EYA4: variants seen among roughly 807,000 people sequenced by gnomAD.
The protein encoded by EYA4 is protein phosphatase EYA4.
EYA4 carries 31 observed loss-of-function variants against 87.9 expected under a neutral mutation model. That is an observed-to-expected ratio of 0.35 (90% CI 0.27 to 0.48). The LOEUF is 0.48. Among genes scored for constraint, EYA4 ranks in the 20% least tolerant of loss-of-function variants. The pLI is 0.99. For synonymous variants in EYA4, 263 were observed against 270.6 expected, an observed-to-expected ratio of 0.97 and a Z score of 0.28; for missense variants, 678 against 761.4, an observed-to-expected ratio of 0.89 and a Z score of 1.29.
At chr6:133,412,505 T>A (rs1162589834) in intron 3 of EYA4, among the ~76,000 whole-genome samples, 1 of 152,186 alleles carries the variant, frequency 6.6e-6, no homozygotes, top group Non-Finnish European at 1.5e-5. Context: ...ATAAATGGAA[T>A]TTCGTGTAAT....
intron 11 of EYA4, among the ~76,000 whole-genome samples, chr6:133,477,837 T>C (rs1005669645): frequency 6.7e-5 from 10 of 148,654 alleles, no homozygotes; most frequent in African/African-American, 2.2e-4. Context: ...CACACACGCA[T>C]ATATATATAT....
intron 11 of EYA4, among the ~76,000 whole-genome samples, chr6:133,479,352 T>G (rs1372009702): frequency 6.6e-6 from 1 of 152,152 alleles, no homozygotes; most frequent in African/African-American, 2.4e-5. Context: ...GGTGATAACA[T>G]AGACCCATGA....
At chr6:133,430,011 G>GC (rs35364365) in intron 3 of EYA4, among the ~76,000 whole-genome samples, 61,957 of 151,850 alleles carry the variant, frequency 0.41, 14,185 homozygotes, top group African/African-American at 0.61. Context: ...TTCAACCCTT[G>GC]CCCCTCCCTC....
At chr6:133,439,782 C>T (rs1393075838) in intron 3 of EYA4, among the ~76,000 whole-genome samples, 9 of 152,174 alleles carry the variant, frequency 5.9e-5, no homozygotes, top group Admixed American at 5.9e-4. Context: ...ACTGATTCTG[C>T]GTGGCTCAAA....
intron 11 of EYA4, among the ~76,000 whole-genome samples, chr6:133,469,983 G>T (rs986218270): frequency 6.6e-6 from 1 of 151,374 alleles, no homozygotes; most frequent in Non-Finnish European, 1.5e-5. Flanking sequence ...GTAGATTCTG[G>T]ATATTAGCCC....
At chr6:133,459,987 A>G (rs936141078) in intron 6 of EYA4, among the ~76,000 whole-genome samples, 1 of 152,130 alleles carries the variant, frequency 6.6e-6, no homozygotes, top group East Asian at 1.9e-4. Context: ...ACATTAAATG[A>G]TGCATGTTTG....
At chr6:133,453,473 C>T (rs976263702) in intron 5 of EYA4, 1 of 151,948 alleles carries the variant, frequency 6.6e-6, no homozygotes, top group African/African-American at 2.4e-5. Context: ...CTTAATAAAT[C>T]AGCTAATAAT....
chr6:133,405,067 C>T (rs555910109), intron 3 of EYA4, among the ~76,000 whole-genome samples: 17 of 152,244 alleles, frequency 1.1e-4, no homozygotes, highest in Admixed American at 7.2e-4. Context: ...AGAATCATTT[C>T]CTAGTGTCAT....
intron 1 of EYA4, among the ~76,000 whole-genome samples, chr6:133,264,428 C>T (rs897383872): frequency 3.9e-5 from 6 of 152,222 alleles, no homozygotes; most frequent in Non-Finnish European, 7.3e-5. Flanking sequence ...GCACTGTGAA[C>T]GGTAACGTCC....
chr6:133,387,757 G>A (rs1786876328), intron 3 of EYA4, among the ~76,000 whole-genome samples: 1 of 152,114 alleles, frequency 6.6e-6, no homozygotes, highest in Non-Finnish European at 1.5e-5. Context: ...TATTTAACCT[G>A]AGTCATATTA....
At position 133,483,133 on chromosome 6, in the gene EYA4, G is replaced by A. The variant is rs1562473471; in HGVS notation, c.1191+18G>A. ...ATGGCAAGGTAAGAAATCAAGAAAT[G>A]TTACTCCAAGAAATCTTGTTAAATT... is the stretch of plus-strand genomic sequence containing the variant. On this transcript the variant is annotated intron_variant, in intron 13 of 19. Transcript: ENST00000355286. 17 of 1,564,306 alleles carry A rather than the reference G, an allele frequency of 1.1e-5. No homozygotes were observed. Among genetic ancestry groups the A allele is most frequent in the Non-Finnish European group, 1.4e-5 (16 of 1,135,412 alleles).
chr6:133,382,343 G>A (rs1446884867), intron 2 of EYA4, 49 bp from the exon 3 acceptor site: 2 of 1,321,438 alleles, frequency 1.5e-6, no homozygotes, highest in South Asian at 1.2e-5. Context: ...GAACCTGAGT[G>A]AGGAAGTTGT....
chr6:133,258,070 G>C (rs1399747378), intron 1 of EYA4, among the ~76,000 whole-genome samples: 1 of 152,104 alleles, frequency 6.6e-6, no homozygotes, highest in East Asian at 1.9e-4. Flanking sequence ...AGAAAACCAA[G>C]CTGGATTGTC....
intron 2 of EYA4, among the ~76,000 whole-genome samples, chr6:133,372,322 A>G (rs1197095845): frequency 6.6e-6 from 1 of 152,070 alleles, no homozygotes; most frequent in Admixed American, 6.6e-5. Flanking sequence ...TTCTACTCAA[A>G]CAAATCATAT....
intron 3 of EYA4, among the ~76,000 whole-genome samples, chr6:133,411,848 A>G (rs1029865842): frequency 6.6e-6 from 1 of 152,216 alleles, no homozygotes; most frequent in African/African-American, 2.4e-5. Context: ...GTGAACTTCT[A>G]GAAATGCAAT....
chr6:133,444,251 T>C (rs1034227722), intron 3 of EYA4, among the ~76,000 whole-genome samples: 1 of 152,206 alleles, frequency 6.6e-6, no homozygotes, highest in East Asian at 1.9e-4. Context: ...TTGAATAATT[T>C]ATTGTTTTTC....
intron 2 of EYA4, among the ~76,000 whole-genome samples, chr6:133,346,060 C>T (rs1230500764): frequency 6.6e-6 from 1 of 152,128 alleles, no homozygotes; most frequent in African/African-American, 2.4e-5. Flanking sequence ...AAATGCCCTC[C>T]CTATATGCCA....
chr6:133,265,705 A>G (rs1776160590), intron 1 of EYA4, among the ~76,000 whole-genome samples: 1 of 152,232 alleles, frequency 6.6e-6, no homozygotes, highest in Admixed American at 6.5e-5. Context: ...AGTCAAACCA[A>G]GTAACAATTA....
chr6:133,506,461 C>G (rs1254065377), intron 14 of EYA4, among the ~76,000 whole-genome samples: 1 of 152,136 alleles, frequency 6.6e-6, no homozygotes, highest in Non-Finnish European at 1.5e-5. Context: ...CTGTACATGA[C>G]TCTTGGTTCT....
Sources: allele counts gnomAD v4.1 joint callset (sites outside exome capture counted in the v4.1 genomes callset), GRCh38; gene constraint gnomAD v4.1.1; transcripts MANE v1.5; gene names NCBI Gene and HGNC (gene_info 2026-07-23, HGNC 2026-07-21).